The following PACS1 variants were observed in gnomAD, a reference collection of about 807,000 sequenced individuals.
PACS1 encodes phosphofurin acidic cluster sorting protein 1, also known as PACS-1.
In PACS1, 24 loss-of-function variants were observed where a neutral mutation model predicts 115.0. The ratio of observed to expected loss-of-function variants is 0.21; its 90% CI spans 0.15 to 0.29. The LOEUF (loss-of-function observed/expected upper bound fraction) is 0.29, where lower values mean the gene tolerates loss of function less well. Among genes scored for constraint, PACS1 ranks in the 10% least tolerant of loss-of-function variants. The probability of loss-of-function intolerance (pLI) is 1.00; values close to 1 mark genes in which losing one functional copy is unlikely to be tolerated. For missense variants in PACS1, 838 were observed against 1,251.2 expected (o/e 0.67, Z 4.98); for synonymous variants, 453 against 504.5 (o/e 0.90, Z 1.37).
chr11:66,219,787 G>A lies in PACS1; in HGVS notation c.1020G>A (p.Arg340=), dbSNP rs985741302. The A allele has an allele frequency of 6.2e-7, 1 of 1,613,282 alleles. No homozygotes were observed. The highest frequency in any genetic ancestry group is 1.3e-5 in the African/African-American group (1 of 74,880). The part of the protein sequence containing the change: ...IKQKFVALLK[R]FKVSDEVGFG... ...AGAAGTTTGTGGCCCTCCTGAAGCG[G>A]TTTAAAGTTTCAGATGAGGTATGGC... The change falls in exon 8 of 24, where the codon CGG becomes CGA. Residue 340 remains arginine, a synonymous_variant. Coordinates refer to ENST00000320580, the MANE Select transcript of PACS1 (RefSeq NM_018026.4).
intron 1 of PACS1, among the ~76,000 whole-genome samples, chr11:66,186,526 A>G (rs1000555187): frequency 4.6e-5 from 7 of 152,096 alleles, no homozygotes; most frequent in African/African-American, 1.4e-4. Flanking sequence ...TTTTCACACA[A>G]TCTGACCTAC....
chr11:66,194,779 T>A (rs1590810755), intron 2 of PACS1, among the ~76,000 whole-genome samples: 1 of 152,208 alleles, frequency 6.6e-6, no homozygotes, highest in East Asian at 1.9e-4. Flanking sequence ...TATTAGCTAG[T>A]TCACCTACTA....
At chr11:66,221,433 G>A in intron 10 of PACS1, 186 bp downstream of exon 10, 1 of 599,984 alleles carries the variant, frequency 1.7e-6, no homozygotes, top group Non-Finnish European at 3.0e-6. Flanking sequence ...AGATCATGAG[G>A]TCAAGAGATT....
chr11:66,138,145 G>A (rs1325430689), intron 1 of PACS1, among the ~76,000 whole-genome samples: 1 of 151,988 alleles, frequency 6.6e-6, no homozygotes, highest in Non-Finnish European at 1.5e-5. Context: ...AGGCTAGAGT[G>A]CAGTGGCCTG....
At chr11:66,132,281 A>G (rs1156290764) in intron 1 of PACS1, among the ~76,000 whole-genome samples, 1 of 152,078 alleles carries the variant, frequency 6.6e-6, no homozygotes. Context: ...CCACCATGTG[A>G]GACAGTCCAT....
chr11:66,192,812 T>A (rs901504691), intron 1 of PACS1, among the ~76,000 whole-genome samples: 2 of 151,042 alleles, frequency 1.3e-5, no homozygotes, highest in African/African-American at 2.4e-5. Flanking sequence ...GCAGAGTTAC[T>A]GAGACTCCAC....
At position 66,221,333 on chromosome 11, in the gene PACS1, C is replaced by T. The variant is rs535202909; in HGVS notation, c.1293+86C>T. ...TGGCCCTCTGCATCTCTGATCAGGG[C>T]TCATGTTGTGACCTTAGAAAAGTGG... On this transcript the variant is annotated intron_variant, in intron 10 of 23. Transcript: ENST00000320580. 45 of 1,175,428 alleles carry T rather than the reference C, an allele frequency of 3.8e-5. No homozygotes were observed. In the African/African-American group the frequency reaches 6.0e-4, roughly 16 times the overall value. The allele number at this position is 1,175,428 out of a possible 1,614,324, so 72.8% of individuals were successfully genotyped here. A position where few individuals can be genotyped will look rare whatever the true frequency, so the allele number is the denominator to read the frequency against.
At chr11:66,097,325 G>A (rs1159649090) in intron 1 of PACS1, among the ~76,000 whole-genome samples, 1 of 152,144 alleles carries the variant, frequency 6.6e-6, no homozygotes, top group Non-Finnish European at 1.5e-5. Context: ...ATCTTGTGAG[G>A]AGACTCTCTC....
rs1375464682 is a variant in PACS1 at position 66,237,622 on chromosome 11, CCCCAAGACCATGG to C, written c.2251-1177_2251-1165del. Among the ~76,000 whole-genome samples the C allele has an allele frequency of 2.0e-5, 3 of 152,244 alleles. No individual in the cohort carries two copies. The South Asian group carries it at 6.2e-4, about 32-fold the overall frequency. ...GCTGCTCCCATAGCCACATTACAGG[CCCCAAGACCATGG>C]CCCATAGCTGTGGCTGGTGGTTTGA... On this transcript the variant is annotated intron_variant, in intron 19 of 23. Coordinates refer to ENST00000320580, the MANE Select transcript of PACS1 (RefSeq NM_018026.4).
At chr11:66,114,686 G>A (rs1260606077) in intron 1 of PACS1, among the ~76,000 whole-genome samples, 1 of 151,942 alleles carries the variant, frequency 6.6e-6, no homozygotes, top group Non-Finnish European at 1.5e-5. Flanking sequence ...TATTAGGGTG[G>A]GAAGTGCCTC....
intron 1 of PACS1, among the ~76,000 whole-genome samples, chr11:66,142,928 G>A (rs1859031179): frequency 6.6e-6 from 1 of 151,322 alleles, no homozygotes; most frequent in African/African-American, 2.4e-5. Flanking sequence ...ATGAATATTT[G>A]TCATCTCGCA....
intron 13 of PACS1, 28 bp from the exon 14 acceptor site, chr11:66,232,144 C>A: frequency 6.7e-7 from 1 of 1,496,810 alleles, no homozygotes. Context: ...GACTCCCTAA[C>A]AAGAGACACT....
chr11:66,222,865 C>T (rs1855382928), intron 10 of PACS1, among the ~76,000 whole-genome samples: 1 of 151,956 alleles, frequency 6.6e-6, no homozygotes, highest in Non-Finnish European at 1.5e-5. Flanking sequence ...GGGCTCTCTC[C>T]CAGCTCACCG....
chr11:66,175,612 C>G (rs192805032), intron 1 of PACS1, among the ~76,000 whole-genome samples: 1 of 152,304 alleles, frequency 6.6e-6, no homozygotes, highest in Non-Finnish European at 1.5e-5. Context: ...TTCCACTGTA[C>G]AAACTCCATC....
At chr11:66,117,180 G>T (rs1273547193) in intron 1 of PACS1, among the ~76,000 whole-genome samples, 1 of 152,136 alleles carries the variant, frequency 6.6e-6, no homozygotes, top group Non-Finnish European at 1.5e-5. Flanking sequence ...GGTTAAGGAG[G>T]CTGGGCGCAG....
intron 2 of PACS1, among the ~76,000 whole-genome samples, chr11:66,200,188 A>G (rs1854751036): frequency 1.3e-5 from 2 of 152,248 alleles, no homozygotes; most frequent in South Asian, 4.1e-4. Flanking sequence ...TGGGTCTACA[A>G]ATAATTTGAA....
chr11:66,198,475 A>G (rs1437919618), intron 2 of PACS1, among the ~76,000 whole-genome samples: 2 of 152,178 alleles, frequency 1.3e-5, no homozygotes, highest in African/African-American at 4.8e-5. Context: ...AACCTTGAAA[A>G]CATGATGCTA....
intron 1 of PACS1, among the ~76,000 whole-genome samples, chr11:66,172,111 A>G (rs935110816): frequency 6.6e-6 from 1 of 152,242 alleles, no homozygotes; most frequent in Non-Finnish European, 1.5e-5. Flanking sequence ...CTTGTTTTAT[A>G]AAAGCAATGT....
At chr11:66,193,410 T>C in intron 1 of PACS1, 76 bp from the exon 2 acceptor site, 1 of 976,172 alleles carries the variant, frequency 1.0e-6, no homozygotes, top group Non-Finnish European at 1.6e-6. Context: ...GTAAGGCAGA[T>C]TGCCTAACCA....
Sources: allele counts gnomAD v4.1 joint callset (sites outside exome capture counted in the v4.1 genomes callset), GRCh38; gene constraint gnomAD v4.1.1; transcripts MANE v1.5; gene names NCBI Gene and HGNC (gene_info 2026-07-23, HGNC 2026-07-21).